Variants in SCUBE1 observed in about 807,000 individuals in gnomAD.
The protein encoded by SCUBE1 is signal peptide, CUB domain and EGF like domain containing 1.
SCUBE1 carries 59 observed loss-of-function variants against 124.4 expected under a neutral mutation model. That is an observed-to-expected ratio of 0.47 (90% CI 0.38 to 0.59). The LOEUF (loss-of-function observed/expected upper bound fraction) is 0.59, where lower values mean the gene tolerates loss of function less well. Ranked by LOEUF, SCUBE1 falls within the 20% of genes least tolerant of loss-of-function variation. The pLI, the probability that SCUBE1 is intolerant of heterozygous loss-of-function variation, is 0.00. For synonymous variants in SCUBE1, 545 were observed against 550.9 expected, an observed-to-expected ratio of 0.99 and a Z score of 0.15; for missense variants, 1,150 against 1,371.2, an observed-to-expected ratio of 0.84 and a Z score of 2.55.
chr22:43,246,985 G>C (rs538990600), intron 6 of SCUBE1, among the ~76,000 whole-genome samples: 2 of 152,206 alleles, frequency 1.3e-5, no homozygotes, highest in Admixed American at 6.5e-5. Flanking sequence ...AGGGGTCCAG[G>C]TTACAGGCAC....
intron 3 of SCUBE1, among the ~76,000 whole-genome samples, chr22:43,313,497 A>G (rs1569026509): frequency 6.6e-6 from 1 of 152,224 alleles, no homozygotes; most frequent in African/African-American, 2.4e-5. Flanking sequence ...TAAGATGAAA[A>G]CAATCTTATT....
chr22:43,237,776 C>T (rs553010034), intron 7 of SCUBE1: 2 of 152,352 alleles, frequency 1.3e-5, no homozygotes, highest in East Asian at 1.9e-4. Flanking sequence ...ATATTTTCCC[C>T]GATGGGACTT....
At chr22:43,323,114 AT>A (rs1361724543) in intron 2 of SCUBE1, among the ~76,000 whole-genome samples, 1 of 152,196 alleles carries the variant, frequency 6.6e-6, no homozygotes, top group African/African-American at 2.4e-5. Flanking sequence ...TGCTTTATAC[AT>A]GATACAGTAT....
chr22:43,303,109 G>T (rs1417955750), intron 3 of SCUBE1, among the ~76,000 whole-genome samples: 1 of 152,216 alleles, frequency 6.6e-6, no homozygotes, highest in African/African-American at 2.4e-5. Flanking sequence ...CCCAGCCTCG[G>T]TACCGTCGGA....
chr22:43,209,897 G>A, intron 19 of SCUBE1, 146 bp downstream of exon 19: 1 of 796,108 alleles, frequency 1.3e-6, no homozygotes, highest in South Asian at 2.0e-5. Flanking sequence ...CTGCCTCCCA[G>A]GTGGACTCTG....
chr22:43,286,869 C>T (rs141793349), intron 4 of SCUBE1, among the ~76,000 whole-genome samples: 4 of 152,332 alleles, frequency 2.6e-5, no homozygotes, highest in Non-Finnish European at 4.4e-5. Context: ...TTTCTACTCC[C>T]GGATCGATTC....
At chr22:43,260,900 G>A (rs953810555) in intron 5 of SCUBE1, among the ~76,000 whole-genome samples, 4 of 152,206 alleles carry the variant, frequency 2.6e-5, no homozygotes, top group African/African-American at 4.8e-5. Flanking sequence ...CTCAGAAGAT[G>A]CTCTCTGAGC....
chr22:43,330,438 T>C (rs1926868726), intron 2 of SCUBE1, among the ~76,000 whole-genome samples: 1 of 152,226 alleles, frequency 6.6e-6, no homozygotes, highest in South Asian at 2.1e-4. Context: ...CTCTACTTCA[T>C]CCTGTCTTGT....
chr22:43,250,400 G>C (rs1420711186), intron 6 of SCUBE1, among the ~76,000 whole-genome samples: 1 of 152,204 alleles, frequency 6.6e-6, no homozygotes, highest in African/African-American at 2.4e-5. Context: ...AGGCTCAGGG[G>C]GCCCTGTCCC....
In SCUBE1 at chr22:43,294,571, G is replaced by A. The variant is rs890302478; in HGVS notation, c.350-3391C>T. 3.0e-3 allele frequency among the ~76,000 whole-genome samples: 460 copies of A among 152,330 alleles called. 4 individuals are homozygous for A. The highest frequency in any genetic ancestry group is 4.5e-3 in the Non-Finnish European group (307 of 68,016). The stretch of plus-strand genomic sequence containing the variant: ...TTATGAGAGGTGTCCTCATGGAAAA[G>A]GGGAACCCACACCTGGGAGTCAGGC... On this transcript the variant is annotated intron_variant, in intron 3 of 21. Coordinates refer to ENST00000360835, the MANE Select transcript of SCUBE1 (RefSeq NM_173050.5).
intron 7 of SCUBE1, chr22:43,238,328 G>A (rs1204564015): frequency 4.1e-5 from 8 of 193,976 alleles, no homozygotes; most frequent in Admixed American, 3.5e-4. Context: ...CCCTAGCCTC[G>A]CCCCCCTAGT....
intron 4 of SCUBE1, among the ~76,000 whole-genome samples, chr22:43,280,417 CT>C (rs1382488867): frequency 3.0e-5 from 4 of 135,316 alleles, no homozygotes; most frequent in African/African-American, 9.6e-5. Flanking sequence ...CTCACCCATC[CT>C]CCTGTCCCTT....
chr22:43,244,565 G>A (rs1010805428), intron 6 of SCUBE1, among the ~76,000 whole-genome samples: 3 of 152,266 alleles, frequency 2.0e-5, no homozygotes, highest in Admixed American at 6.5e-5. Context: ...GGGCGAATGT[G>A]CCCCTGGTGG....
intron 3 of SCUBE1, among the ~76,000 whole-genome samples, chr22:43,316,232 G>A (rs1034678878): frequency 1.1e-4 from 17 of 152,150 alleles, no homozygotes; most frequent in Admixed American, 1.1e-3. Flanking sequence ...GGAAACTAAG[G>A]CATGGAGAGG....
chr22:43,203,811 G>C lies in SCUBE1; in HGVS notation c.*186C>G. On this transcript the variant is annotated 3_prime_UTR_variant, in exon 22 of 22. Transcript: ENST00000360835. ...AGGGAGGGAGGCTTCCTGAAGCAGG[G>C]TGCTCCCACAGGGGCAGCGGGTCCG... 1.7e-6 allele frequency: 1 copy of C among 587,640 alleles called. No homozygotes were observed. The highest frequency in any genetic ancestry group is 3.2e-5 in the Admixed American group (1 of 31,410). 36.4% of individuals were successfully genotyped at this position (587,640 alleles called of 1,614,324 possible).
chr22:43,207,563 C>T lies in SCUBE1; in HGVS notation c.2785G>A (p.Ala929Thr), dbSNP rs149763509. The change falls in exon 21 of 22, where the codon GCC (alanine) becomes ACC (threonine). Residue 929 changes from alanine to threonine, a missense_variant. Ala to Thr is a moderately conservative substitution (Grantham distance 58). Coordinates refer to ENST00000360835, the MANE Select transcript of SCUBE1 (RefSeq NM_173050.5). ...AAAATTTCCTGGTGGTTCTCCGAGG[C>T]GTACAGGCGCCCATCGCGCACGATG... ...EDIVRDGRLY[A>T]SENHQEILKD... 33 of 1,613,980 alleles carry T rather than the reference C, an allele frequency of 2.0e-5. No homozygotes were observed. The highest frequency in any genetic ancestry group is 3.3e-5 in the South Asian group (3 of 91,084).
chr22:43,331,802 A>G (rs1224677475), intron 2 of SCUBE1, among the ~76,000 whole-genome samples: 2 of 152,220 alleles, frequency 1.3e-5, no homozygotes, highest in Non-Finnish European at 2.9e-5. Context: ...AATTCGGACC[A>G]GGAGGCCAGT....
At chr22:43,278,122 A>G (rs968255042) in intron 4 of SCUBE1, among the ~76,000 whole-genome samples, 4 of 152,274 alleles carry the variant, frequency 2.6e-5, no homozygotes, top group African/African-American at 9.6e-5. Flanking sequence ...CTCATAAAAA[A>G]TAATGGGCTG....
intron 4 of SCUBE1, among the ~76,000 whole-genome samples, chr22:43,286,741 A>G (rs1925162208): frequency 6.6e-6 from 1 of 152,144 alleles, no homozygotes; most frequent in Non-Finnish European, 1.5e-5. Flanking sequence ...CATGCCTCGG[A>G]TCCTAGGGGC....
Sources: allele counts gnomAD v4.1 joint callset (sites outside exome capture counted in the v4.1 genomes callset), GRCh38; gene constraint gnomAD v4.1.1; transcripts MANE v1.5; gene names NCBI Gene and HGNC (gene_info 2026-07-23, HGNC 2026-07-21).